Variants in OTUD7A observed in about 807,000 individuals in gnomAD.
OTUD7A encodes the protein OTU domain-containing protein 7A.
OTUD7A carries 12 observed loss-of-function variants against 65.7 expected under a neutral mutation model. The ratio of observed to expected loss-of-function variants is 0.18; its 90% CI spans 0.12 to 0.30. OTUD7A has a LOEUF of 0.30. Ranked by LOEUF, OTUD7A falls within the 10% of genes least tolerant of loss-of-function variation. The pLI is 1.00. For missense variants in OTUD7A, 1,148 were observed against 1,304.8 expected (o/e 0.88, Z 1.85); for synonymous variants, 641 against 586.3 (o/e 1.09, Z -1.35).
intron 3 of OTUD7A, among the ~76,000 whole-genome samples, chr15:31,622,739 C>T (rs866518640): frequency 6.6e-6 from 1 of 151,510 alleles, no homozygotes; most frequent in African/African-American, 2.4e-5. Context: ...AAAGTTTGAT[C>T]GTCTGAAGCC....
chr15:31,633,047 G>T (rs1891228249), intron 3 of OTUD7A, among the ~76,000 whole-genome samples: 2 of 152,208 alleles, frequency 1.3e-5, no homozygotes, highest in South Asian at 4.1e-4. Flanking sequence ...CTAGGAAAGG[G>T]AATTCCCTGA....
chr15:31,735,206 C>T (rs1894153873), intron 1 of OTUD7A, among the ~76,000 whole-genome samples: 1 of 152,142 alleles, frequency 6.6e-6, no homozygotes, highest in Non-Finnish European at 1.5e-5. Flanking sequence ...CCATCTCACA[C>T]CAGTCAGAAT....
intron 4 of OTUD7A, among the ~76,000 whole-genome samples, chr15:31,567,663 C>A (rs191470051): frequency 6.6e-6 from 1 of 152,222 alleles, no homozygotes; most frequent in Non-Finnish European, 1.5e-5. Context: ...ATTTCAGAGA[C>A]CTTCACAGCA....
At chr15:31,554,781 T>C (rs572038581) in intron 5 of OTUD7A, among the ~76,000 whole-genome samples, 71 of 152,316 alleles carry the variant, frequency 4.7e-4, no homozygotes, top group African/African-American at 1.6e-3. Context: ...AGCCATCTCC[T>C]GTGTAAATGC....
At chr15:31,833,155 G>C (rs1364478635) in intron 1 of OTUD7A, among the ~76,000 whole-genome samples, 1 of 152,174 alleles carries the variant, frequency 6.6e-6, no homozygotes, top group Non-Finnish European at 1.5e-5. Flanking sequence ...ACAAGCCTAT[G>C]CTCCTTTCCC....
intron 3 of OTUD7A, among the ~76,000 whole-genome samples, chr15:31,622,871 T>A (rs1890835632): frequency 6.6e-6 from 1 of 152,226 alleles, no homozygotes; most frequent in Non-Finnish European, 1.5e-5. Context: ...TTTTCTGCTC[T>A]GTTTTTTCCC....
At chr15:31,688,120 A>T (rs576754053) in intron 1 of OTUD7A, among the ~76,000 whole-genome samples, 1 of 151,998 alleles carries the variant, frequency 6.6e-6, no homozygotes, top group Admixed American at 6.5e-5. Context: ...GGAGGCTGAG[A>T]CAGGAGAATT....
chr15:31,621,212 G>A (rs531420569), intron 3 of OTUD7A, among the ~76,000 whole-genome samples: 1 of 151,874 alleles, frequency 6.6e-6, no homozygotes, highest in Non-Finnish European at 1.5e-5. Context: ...TGGAATAAGT[G>A]TGACGTGGTG....
chr15:31,675,427 A>G (rs1168204091), intron 1 of OTUD7A, among the ~76,000 whole-genome samples: 1 of 152,180 alleles, frequency 6.6e-6, no homozygotes, highest in African/African-American at 2.4e-5. Context: ...CCAATACACT[A>G]TCTTAACAAA....
intron 8 of OTUD7A, among the ~76,000 whole-genome samples, chr15:31,505,906 C>T (rs929425794): frequency 7.2e-5 from 11 of 151,932 alleles, no homozygotes; most frequent in African/African-American, 1.7e-4. Flanking sequence ...CCCGCCACCA[C>T]GCCCGGCTAA....
At chr15:31,485,961 G>A (rs58905367) in intron 12 of OTUD7A, among the ~76,000 whole-genome samples, 2 of 152,294 alleles carry the variant, frequency 1.3e-5, no homozygotes, top group African/African-American at 2.4e-5. Flanking sequence ...AAGTGTCTCA[G>A]ACTGGTGCGT....
intron 1 of OTUD7A, among the ~76,000 whole-genome samples, chr15:31,820,681 T>G (rs1477110323): frequency 6.6e-6 from 1 of 152,202 alleles, no homozygotes; most frequent in Non-Finnish European, 1.5e-5. Flanking sequence ...CTGGATCCAG[T>G]GGTTGGCTGC....
At chr15:31,573,411 C>G (rs183661648) in intron 3 of OTUD7A, among the ~76,000 whole-genome samples, 1 of 152,236 alleles carries the variant, frequency 6.6e-6, no homozygotes, top group Non-Finnish European at 1.5e-5. Flanking sequence ...GGCAAAGGAG[C>G]AGTCAGGCAG....
intron 3 of OTUD7A, among the ~76,000 whole-genome samples, chr15:31,622,781 G>A (rs572236098): frequency 1.2e-4 from 19 of 152,276 alleles, no homozygotes; most frequent in South Asian, 1.2e-3. Context: ...GTCATTCTCC[G>A]TCCAGCTTTG....
At chr15:31,517,836 C>G (rs912135272) in intron 8 of OTUD7A, among the ~76,000 whole-genome samples, 1 of 152,138 alleles carries the variant, frequency 6.6e-6, no homozygotes, top group Non-Finnish European at 1.5e-5. Context: ...AGTTTGGGGG[C>G]ACCCTGGCTT....
At chr15:31,851,148 T>C (rs559989496) in intron 1 of OTUD7A, among the ~76,000 whole-genome samples, 11 of 152,340 alleles carry the variant, frequency 7.2e-5, no homozygotes, top group Admixed American at 2.0e-4. Flanking sequence ...AAATGAGTAC[T>C]ATAATCACAA....
chr15:31,520,500 C>T (rs2041923033), intron 8 of OTUD7A, among the ~76,000 whole-genome samples: 1 of 152,156 alleles, frequency 6.6e-6, no homozygotes, highest in Non-Finnish European at 1.5e-5. Flanking sequence ...AAAATTAACT[C>T]AAAATGGATT....
intron 3 of OTUD7A, among the ~76,000 whole-genome samples, chr15:31,613,077 T>A (rs1277593952): frequency 3.9e-5 from 6 of 152,074 alleles, no homozygotes; most frequent in African/African-American, 1.2e-4. Context: ...GGTGCTGCGA[T>A]AACTGGCTAG....
chr15:31,550,774 C>G (rs897574170), intron 5 of OTUD7A, among the ~76,000 whole-genome samples: 10 of 152,280 alleles, frequency 6.6e-5, no homozygotes, highest in African/African-American at 2.4e-4. Flanking sequence ...CGTCCTTTAG[C>G]CCAAGGATAT....
Sources: gnomAD v4.1 joint callset for allele counts (sites outside exome capture counted in the v4.1 genomes callset) on GRCh38, gnomAD v4.1.1 for gene constraint, MANE v1.5 for transcripts, NCBI Gene and HGNC (gene_info 2026-07-23, HGNC 2026-07-21) for gene names.